Variants in NUDT19 observed in about 807,000 individuals in gnomAD.
NUDT19 encodes nudix hydrolase 19, also known as acyl-coenzyme A diphosphatase NUDT19.
Under a neutral mutation model 22.2 loss-of-function variants are expected in NUDT19, and 31 were observed. The ratio of observed to expected loss-of-function variants is 1.40; its 90% CI spans 1.05 to 1.89. The LOEUF (loss-of-function observed/expected upper bound fraction) is 1.89. Among genes scored for constraint, NUDT19 ranks in the 40% most tolerant of loss-of-function variants. NUDT19 has a pLI of 0.00. For synonymous variants in NUDT19, 325 were observed against 230.8 expected (o/e 1.41, Z -3.70); for missense variants, 752 against 514.2 (o/e 1.46, Z -4.47).
intron 1 of NUDT19, among the ~76,000 whole-genome samples, chr19:32,706,689 GATA>G (rs764061177): frequency 7.9e-5 from 12 of 152,036 alleles, no homozygotes; most frequent in Non-Finnish European, 1.5e-4. Context: ...ATCTCAAAAT[GATA>G]ATAATAATAA....
intron 1 of NUDT19, among the ~76,000 whole-genome samples, chr19:32,704,472 G>T (rs1968367501): frequency 6.6e-6 from 1 of 151,962 alleles, no homozygotes; most frequent in South Asian, 2.1e-4. Flanking sequence ...ATGTTGGTCA[G>T]GCTGGTCTCG....
chr19:32,709,981 T>G (rs1968428422), intron 2 of NUDT19, among the ~76,000 whole-genome samples: 1 of 151,856 alleles, frequency 6.6e-6, no homozygotes, highest in Non-Finnish European at 1.5e-5. Context: ...ATTTTAAGTT[T>G]GAATTACGAG....
intron 1 of NUDT19, among the ~76,000 whole-genome samples, chr19:32,708,741 G>A (rs1968414658): frequency 6.6e-6 from 1 of 152,152 alleles, no homozygotes; most frequent in Non-Finnish European, 1.5e-5. Context: ...GGGCCTAGGA[G>A]AGCTTTGTGG....
intron 1 of NUDT19, among the ~76,000 whole-genome samples, chr19:32,702,343 AT>A (rs1175485265): frequency 6.6e-6 from 1 of 152,226 alleles, no homozygotes; most frequent in Non-Finnish European, 1.5e-5. Context: ...AACTCCCCAC[AT>A]TCCTTTGTAT....
In NUDT19 at chr19:32,692,509, C is replaced by T. The variant is rs1379764571; in HGVS notation, c.549C>T (p.Ala183=). ...CGCGCCACTTCCTGCGGCTGTGCGC[C>T]CACCTCGACTGCACACCCGACATCT... The part of the protein sequence containing the change: ...QDPRHFLRLC[A]HLDCTPDIWA... The change falls in exon 1 of 3, where the codon GCC becomes GCT. Residue 183 remains alanine (A), a synonymous_variant. Transcript: ENST00000397061. The T allele has an allele frequency of 4.5e-6, 7 of 1,562,494 alleles. No homozygotes were observed. Among genetic ancestry groups the T allele is most frequent in the Admixed American group, 3.8e-5 (2 of 53,012 alleles).
At chr19:32,703,648 CTTTTTTTTTTTTTTTTTTTTT>C (rs60766132) in intron 1 of NUDT19, among the ~76,000 whole-genome samples, 7 of 68,344 alleles carry the variant, frequency 1.0e-4, no homozygotes, top group Admixed American at 4.4e-4. Flanking sequence ...TGTGCCCAGC[CTTTTTTTTTTTTTTTTTTTTT>C]TTTTTTTTTT....
At position 32,691,901 on chromosome 19, in the gene NUDT19, C is replaced by T. The variant is rs1008402184; in HGVS notation, c.-60C>T. The stretch of plus-strand genomic sequence containing the variant: ...CGGAGGTGCTGGGGTCCCTGCAGGG[C>T]CGGGCCACCTGCCGTGGAGCTCAGG... On this transcript the variant is annotated 5_prime_UTR_variant, in exon 1 of 3. Transcript: ENST00000397061. 1.6e-4 allele frequency: 160 copies of T among 1,020,562 alleles called. No homozygotes were observed. The highest frequency in any genetic ancestry group is 2.0e-4 in the Non-Finnish European group (160 of 803,384). The allele number at this position is 1,020,562 out of a possible 1,614,324, so 63.2% of individuals were successfully genotyped here.
At chr19:32,710,271 C>G (rs2145368716) in intron 2 of NUDT19, among the ~76,000 whole-genome samples, 1 of 151,844 alleles carries the variant, frequency 6.6e-6, no homozygotes, top group East Asian at 1.9e-4. Context: ...GCCTCAGCCT[C>G]CCCAAATTCT....
intron 2 of NUDT19, 99 bp from the exon 3 acceptor site, chr19:32,711,653 T>G: frequency 4.3e-6 from 3 of 697,902 alleles, no homozygotes; most frequent in Non-Finnish European, 7.4e-6. Flanking sequence ...TGGAGTGATT[T>G]ATAAAATAAT....
At position 32,709,476 on chromosome 19, in the gene NUDT19, C is replaced by G. The variant is rs981211071; in HGVS notation, c.922+84C>G. 8.8e-6 allele frequency: 9 copies of G among 1,023,804 alleles called. No individual in the cohort carries two copies. The African/African-American group carries it at 1.4e-4, about 16-fold the overall frequency. The allele number at this position is 1,023,804 out of a possible 1,614,324, so 63.4% of individuals were successfully genotyped here. A position where few individuals can be genotyped will look rare whatever the true frequency, so the allele number is the denominator to read the frequency against. ...ATGGCTGTATTGCCCAACGTAGAGA[C>G]AGGAATTACAGTCTGTGTTTTGTAA... On this transcript the variant is annotated intron_variant, in intron 2 of 2. Transcript: ENST00000397061.
At chr19:32,694,160 G>A (rs1599795799) in intron 1 of NUDT19, among the ~76,000 whole-genome samples, 1 of 152,222 alleles carries the variant, frequency 6.6e-6, no homozygotes, top group South Asian at 2.1e-4. Context: ...ATAGTAAAAC[G>A]GCTGTCACAG....
At chr19:32,698,020 AGAG>A (rs1968285699) in intron 1 of NUDT19, among the ~76,000 whole-genome samples, 1 of 152,162 alleles carries the variant, frequency 6.6e-6, no homozygotes, top group African/African-American at 2.4e-5. Flanking sequence ...AGCGGACATT[AGAG>A]GAGGATTATC....
At chr19:32,699,069 TGAG>T (rs1448869484) in intron 1 of NUDT19, among the ~76,000 whole-genome samples, 4 of 152,218 alleles carry the variant, frequency 2.6e-5, no homozygotes, top group African/African-American at 9.6e-5. Flanking sequence ...CCTGCTTTTC[TGAG>T]GAGGGATTCT....
chr19:32,692,410 A>C lies in NUDT19; in HGVS notation c.450A>C (p.Pro150=). ...GGCCCAGGACTTCCCCACCAGGCCC[A>C]GCACCCGGGCCTGGCCTCGCCCTGG... ...LLRPRTSPPG[P]APGPGLALEP... Residue 150 remains proline, a synonymous_variant, in exon 1 of 3, where the codon CCA becomes CCC. Transcript: ENST00000397061. The C allele has an allele frequency of 1.3e-6, 2 of 1,565,584 alleles. No individual in the cohort carries two copies. The highest frequency in any genetic ancestry group is 1.7e-6 in the Non-Finnish European group (2 of 1,163,530).
At chr19:32,706,767 A>G (rs1349080088) in intron 1 of NUDT19, among the ~76,000 whole-genome samples, 2 of 152,246 alleles carry the variant, frequency 1.3e-5, no homozygotes, top group African/African-American at 2.4e-5. Context: ...GTGTATGTGT[A>G]GGAAGAGCAT....
chr19:32,702,596 A>C (rs1487640173), intron 1 of NUDT19, among the ~76,000 whole-genome samples: 1 of 152,178 alleles, frequency 6.6e-6, no homozygotes, highest in Non-Finnish European at 1.5e-5. Flanking sequence ...TGACAGAGCG[A>C]GACTCCATCT....
chr19:32,698,370 G>A (rs570936830), intron 1 of NUDT19, among the ~76,000 whole-genome samples: 1 of 152,290 alleles, frequency 6.6e-6, no homozygotes, highest in South Asian at 2.1e-4. Flanking sequence ...TTTCAAGGGT[G>A]AGCCTGTTGA....
intron 1 of NUDT19, among the ~76,000 whole-genome samples, chr19:32,705,987 C>T (rs543119960): frequency 1.8e-3 from 270 of 152,262 alleles, no homozygotes; most frequent in Middle Eastern, 0.01. Context: ...TCGAATAATC[C>T]TTGGCCCCAG....
In NUDT19 at chr19:32,698,271, A is replaced by T. The variant is rs146076704; in HGVS notation, c.714+5597A>T. 1.2e-4 allele frequency among the ~76,000 whole-genome samples: 19 copies of T among 152,248 alleles called. No homozygotes were observed. In the East Asian group the frequency reaches 2.5e-3, roughly 20 times the overall value. ...GCCATTTTTCCCCATCAGAGAGAGA[A>T]ATTGGGGCCAGGCTGTAGTATAGAA... On this transcript the variant is annotated intron_variant, in intron 1 of 2. Transcript: ENST00000397061.
Sources: gnomAD v4.1 joint callset for allele counts (sites outside exome capture counted in the v4.1 genomes callset) on GRCh38, gnomAD v4.1.1 for gene constraint, MANE v1.5 for transcripts, NCBI Gene and HGNC (gene_info 2026-07-23, HGNC 2026-07-21) for gene names.